The following SLC6A6 variants were observed in gnomAD, a reference collection of about 807,000 sequenced individuals.
The protein encoded by SLC6A6 is solute carrier family 6 member 6, also known as sodium- and chloride-dependent taurine transporter.
In SLC6A6, 16 loss-of-function variants were observed where a neutral mutation model predicts 68.8. The ratio of observed to expected loss-of-function variants is 0.23; its 90% confidence interval spans 0.16 to 0.35. SLC6A6 has a LOEUF of 0.35. Among genes scored for constraint, SLC6A6 ranks in the 10% least tolerant of loss-of-function variants. SLC6A6 has a pLI of 1.00. For missense variants in SLC6A6, 474 were observed against 802.8 expected (o/e 0.59, Z 4.95); for synonymous variants, 312 against 315.4 (o/e 0.99, Z 0.12).
chr3:14,468,300 G>A lies in SLC6A6; in HGVS notation c.1096+88G>A, dbSNP rs1700666931. On this transcript the variant is annotated intron_variant, in intron 9 of 14. Coordinates refer to ENST00000622186, the MANE Select transcript of SLC6A6 (RefSeq NM_003043.6). This position sits in a 1 kb window ranked among gnomAD's most constrained non-coding sequence, Gnocchi z 4.5. Reference sequence around the variant, plus strand: ...CAGGCATGAAGCCAGACCCCAGGGGGCTTTGAGGGGGGACGAGCCTGGTTT... The same window carrying A: ...CAGGCATGAAGCCAGACCCCAGGGGACTTTGAGGGGGGACGAGCCTGGTTT... The A allele has an allele frequency of 2.5e-6, 3 of 1,183,702 alleles. No homozygotes were observed. The highest frequency in any genetic ancestry group is 3.3e-5 in the South Asian group (2 of 60,080). The allele number at this position is 1,183,702 out of a possible 1,614,324, so 73.3% of individuals were successfully genotyped here.
Position 14,485,185 on chromosome 3 carries a change from G to T in SLC6A6, c.*178G>T, listed in dbSNP as rs1179467824. 3 of 422,010 alleles carry T rather than the reference G, an allele frequency of 7.1e-6. No individual in the cohort carries two copies. The highest frequency in any genetic ancestry group is 7.0e-5 in the East Asian group (2 of 28,614). The allele number at this position is 422,010 out of a possible 1,614,324, so 26.1% of individuals were successfully genotyped here. On this transcript the variant is annotated 3_prime_UTR_variant, in exon 15 of 15. Transcript: ENST00000622186. ...GTGTGTGTGTGTGTGTGTATCGTGT[G>T]TGTGTGTTTTGTTTTGATTTGGGGG...
intron 3 of SLC6A6, chr3:14,444,432 T>C: frequency 4.3e-6 from 1 of 230,492 alleles, no homozygotes; most frequent in Admixed American, 5.1e-5. Context: ...TTGGTTTGGG[T>C]TTTTGGATTT....
rs748265505 is a variant in SLC6A6 at position 14,481,739 on chromosome 3, C to T, written c.1620C>T (p.Asn540=). ...ACAACAAAACATACGTGTACCCCAA[C>T]TGGGCCATTGGGCTGGGCTGGAGCC... The part of the protein sequence containing the change: ...LTYNKTYVYP[N]WAIGLGWSLA... The change falls in exon 14 of 15, where the codon AAC becomes AAT. Residue 540 remains asparagine (N), a synonymous_variant. Coordinates refer to ENST00000622186, the MANE Select transcript of SLC6A6 (RefSeq NM_003043.6). The surrounding 1 kb of genome is among the most constrained non-coding windows in gnomAD (Gnocchi z 4.7). 4 of 1,613,654 alleles carry T rather than the reference C, an allele frequency of 2.5e-6. No individual in the cohort carries two copies. The highest frequency in any genetic ancestry group is 1.7e-5 in the Admixed American group (1 of 60,030).
intron 6 of SLC6A6, among the ~76,000 whole-genome samples, chr3:14,462,001 T>C (rs537199058): frequency 1.6e-4 from 25 of 152,368 alleles, no homozygotes; most frequent in African/African-American, 5.5e-4. Flanking sequence ...GTGAGTTTCC[T>C]GGACAGTTGG....
intron 6 of SLC6A6, among the ~76,000 whole-genome samples, chr3:14,459,685 A>T (rs972912278): frequency 3.3e-5 from 5 of 152,080 alleles, no homozygotes; most frequent in African/African-American, 1.2e-4. Context: ...TCTCACAAGC[A>T]CACCATTTTA....
chr3:14,412,680 C>T (rs984393219), intron 1 of SLC6A6, among the ~76,000 whole-genome samples: 10 of 152,206 alleles, frequency 6.6e-5, no homozygotes, highest in African/African-American at 2.4e-4. Flanking sequence ...GCCTGGGGCC[C>T]TGAATTTCTA....
intron 1 of SLC6A6, among the ~76,000 whole-genome samples, chr3:14,409,297 GC>G (rs1699182887): frequency 6.6e-6 from 1 of 152,224 alleles, no homozygotes; most frequent in Admixed American, 6.5e-5. Context: ...AGTGCTGCCA[GC>G]TCAGTAAATG....
chr3:14,445,420 CAAAAGAAAAAAAA>C (rs1191657806), intron 3 of SLC6A6, among the ~76,000 whole-genome samples: 3 of 116,586 alleles, frequency 2.6e-5, no homozygotes, highest in Non-Finnish European at 5.3e-5. Flanking sequence ...GACTCCACCT[CAAAAGAAAAAAAA>C]AAAAGAAAAA....
intron 2 of SLC6A6, among the ~76,000 whole-genome samples, chr3:14,420,203 C>T (rs1477432286): frequency 6.6e-6 from 1 of 152,210 alleles, no homozygotes. Context: ...GAGGCTGAGG[C>T]GGGTGGATCA....
intron 2 of SLC6A6, among the ~76,000 whole-genome samples, chr3:14,427,351 C>G (rs917774973): frequency 3.3e-5 from 5 of 152,140 alleles, no homozygotes; most frequent in South Asian, 2.1e-4. Flanking sequence ...AGGTCGATGC[C>G]ATTATCAGCC....
intron 2 of SLC6A6, among the ~76,000 whole-genome samples, chr3:14,439,153 G>C (rs866600080): frequency 2.0e-5 from 3 of 152,376 alleles, no homozygotes; most frequent in Non-Finnish European, 4.4e-5. Context: ...CAGGTGGCCA[G>C]GTGGGAACTC....
intron 1 of SLC6A6, among the ~76,000 whole-genome samples, chr3:14,409,982 T>C (rs1699207890): frequency 6.6e-6 from 1 of 152,066 alleles, no homozygotes; most frequent in Non-Finnish European, 1.5e-5. Flanking sequence ...GGTCAGGAGT[T>C]CGAGACCAGC....
chr3:14,463,027 T>A (rs573744036), intron 6 of SLC6A6, among the ~76,000 whole-genome samples: 1 of 152,334 alleles, frequency 6.6e-6, no homozygotes, highest in East Asian at 1.9e-4. Context: ...TTTGTGCGTG[T>A]GTGTGACTCA....
chr3:14,435,175 G>A (rs1450310126), intron 2 of SLC6A6, among the ~76,000 whole-genome samples: 1 of 152,298 alleles, frequency 6.6e-6, no homozygotes, highest in Middle Eastern at 3.4e-3. Context: ...TGGGACGTGG[G>A]TGCAAATCCT....
chr3:14,433,114 A>AAGGTGG (rs1424717657), intron 2 of SLC6A6, among the ~76,000 whole-genome samples: 1 of 56,228 alleles, frequency 1.8e-5, no homozygotes, highest in Non-Finnish European at 3.6e-5. Flanking sequence ...TAGTGCTGTG[A>AAGGTGG]AGGTGGGACG....
chr3:14,430,465 C>T (rs1441737387), intron 2 of SLC6A6, among the ~76,000 whole-genome samples: 2 of 152,164 alleles, frequency 1.3e-5, no homozygotes, highest in African/African-American at 4.8e-5. Context: ...AGGGAGATGG[C>T]TACCACTGGG....
intron 2 of SLC6A6, among the ~76,000 whole-genome samples, chr3:14,443,111 T>C (rs1024117928): frequency 5.3e-5 from 8 of 152,236 alleles, no homozygotes; most frequent in Non-Finnish European, 1.0e-4. Flanking sequence ...CAGTTATAAA[T>C]GGTCATCCCT....
At chr3:14,476,377 G>A (rs1014253612) in intron 10 of SLC6A6, among the ~76,000 whole-genome samples, 2 of 152,170 alleles carry the variant, frequency 1.3e-5, no homozygotes, top group Admixed American at 6.5e-5. Context: ...CAACCCCCAA[G>A]ATAAATGGTT....
chr3:14,479,416 T>C (rs747177601), intron 13 of SLC6A6, among the ~76,000 whole-genome samples: 3 of 152,222 alleles, frequency 2.0e-5, no homozygotes, highest in Non-Finnish European at 4.4e-5. Flanking sequence ...AGGGCATTTC[T>C]GGCAGAGGAG....
Sources: gnomAD v4.1 joint callset for allele counts (sites outside exome capture counted in the v4.1 genomes callset) on GRCh38, gnomAD v4.1.1 for gene constraint, Gnocchi (gnomAD v3.1) non-coding constraint, MANE v1.5 for transcripts, NCBI Gene and HGNC (gene_info 2026-07-23, HGNC 2026-07-21) for gene names.